The following RNF157 variants were observed in gnomAD, a reference collection of about 807,000 sequenced individuals.
RNF157 encodes the protein ring finger protein 157.
Under a neutral mutation model 88.3 loss-of-function variants are expected in RNF157, and 55 were observed. The observed-to-expected ratio is 0.62, with a 90% CI of 0.50 to 0.78. The LOEUF is 0.78. Among genes scored for constraint, RNF157 ranks in the 30% least tolerant of loss-of-function variants. The pLI is 0.00. For synonymous variants in RNF157, 334 were observed against 341.2 expected (o/e 0.98, Z 0.23); for missense variants, 788 against 860.8 (o/e 0.92, Z 1.06).
Position 76,155,278 on chromosome 17 carries a change from G to A in RNF157, c.1738C>T (p.Leu580Phe), listed in dbSNP as rs2068745258. 1 of 1,614,216 alleles carries A rather than the reference G, an allele frequency of 6.2e-7. No individual in the cohort carries two copies. Among genetic ancestry groups the A allele is most frequent in the Non-Finnish European group, 8.5e-7 (1 of 1,180,014 alleles). The change falls in exon 16 of 19, where the codon CTC becomes TTC. Residue 580 changes from leucine (L) to phenylalanine (F), a missense_variant. Physicochemically the swap from Leu to Phe is conservative, Grantham distance 22. Transcript: ENST00000269391. ...AESPDSNFAG[L>F]PAGEQDAEGN... ...TCTGCATCCTGCTCTCCAGCTGGGA[G>A]GCCAGCAAAGTTGCTGTCTGGAGAC...
At chr17:76,234,195 T>C (rs2070242722) in intron 1 of RNF157, among the ~76,000 whole-genome samples, 1 of 152,242 alleles carries the variant, frequency 6.6e-6, no homozygotes, top group South Asian at 2.1e-4. Flanking sequence ...ATCCAGGTTG[T>C]AGCACATATC....
Position 76,165,384 on chromosome 17 carries a change from T to C in RNF157, c.672+118A>G, listed in dbSNP as rs1043947914. The C allele has an allele frequency of 5.1e-6, 5 of 984,056 alleles. No homozygotes were observed. In the African/African-American group the frequency reaches 6.4e-5, roughly 13 times the overall value. 61.0% of individuals were successfully genotyped at this position (984,056 alleles called of 1,614,324 possible). On this transcript the variant is annotated intron_variant, in intron 7 of 18. Coordinates refer to ENST00000269391, the MANE Select transcript of RNF157 (RefSeq NM_052916.3). ...CTCACTGCAACCTCTTTCACCATTA[T>C]AGCCTCTAAAGCCAGACCCATTCTG...
intron 3 of RNF157, among the ~76,000 whole-genome samples, chr17:76,170,163 C>G (rs1598401058): frequency 6.6e-6 from 1 of 152,104 alleles, no homozygotes; most frequent in Non-Finnish European, 1.5e-5. Context: ...GGCCTGGCTG[C>G]CAGCATTCTA....
chr17:76,230,853 AAAAAAAGAG>A (rs1322972946), intron 1 of RNF157, among the ~76,000 whole-genome samples: 43 of 111,870 alleles, frequency 3.8e-4, no homozygotes, highest in African/African-American at 1.4e-3. Context: ...AAAAAAAAAA[AAAAAAAGAG>A]AGAGAGAGAG....
intron 2 of RNF157, 125 bp from the exon 3 acceptor site, chr17:76,173,915 G>A (rs145929170): frequency 2.3e-5 from 17 of 748,752 alleles, no homozygotes; most frequent in Non-Finnish European, 3.8e-5. Flanking sequence ...TCCTAATTAA[G>A]TGAGGAAACT....
At chr17:76,154,690 C>T (rs2068734445) in intron 16 of RNF157, 1 of 243,398 alleles carries the variant, frequency 4.1e-6, no homozygotes, top group African/African-American at 2.3e-5. Flanking sequence ...CTTAAGATCC[C>T]AAACCCCATC....
chr17:76,203,089 C>T (rs1322971928), intron 2 of RNF157, among the ~76,000 whole-genome samples: 3 of 151,088 alleles, frequency 2.0e-5, no homozygotes, highest in African/African-American at 7.3e-5. Context: ...CTTCTGGGTT[C>T]AAGCGATTCT....
intron 1 of RNF157, among the ~76,000 whole-genome samples, chr17:76,235,250 T>C (rs1019735853): frequency 2.0e-5 from 3 of 151,028 alleles, no homozygotes; most frequent in Non-Finnish European, 4.4e-5. Context: ...CAGGCTGGAG[T>C]GCAGTGGCAC....
chr17:76,172,607 C>CAAAAAAAAAAAAAAAAAA (rs35297368), intron 3 of RNF157, among the ~76,000 whole-genome samples: 14 of 31,716 alleles, frequency 4.4e-4, no homozygotes, highest in African/African-American at 1.7e-3. Context: ...AACTCCATCT[C>CAAAAAAAAAAAAAAAAAA]AAAAAAAAAA....
chr17:76,238,131 T>C (rs1023569232), intron 1 of RNF157, among the ~76,000 whole-genome samples: 8 of 150,934 alleles, frequency 5.3e-5, no homozygotes, highest in African/African-American at 1.5e-4. Flanking sequence ...ATGGTGGTCA[T>C]GGCCAAACTC....
chr17:76,198,815 C>G (rs1420696967), intron 2 of RNF157, among the ~76,000 whole-genome samples: 1 of 152,202 alleles, frequency 6.6e-6, no homozygotes, highest in Admixed American at 6.5e-5. Context: ...GCATACCAGG[C>G]CCCTTGGTCC....
At chr17:76,177,316 G>A (rs1458998790) in intron 2 of RNF157, among the ~76,000 whole-genome samples, 1 of 45,286 alleles carries the variant, frequency 2.2e-5, no homozygotes, top group Admixed American at 2.0e-4. Flanking sequence ...CCACCCCCCC[G>A]CCCCAGCAGG....
At chr17:76,204,267 A>C (rs2069639633) in intron 2 of RNF157, among the ~76,000 whole-genome samples, 1 of 152,010 alleles carries the variant, frequency 6.6e-6, no homozygotes, top group Non-Finnish European at 1.5e-5. Flanking sequence ...GCCTCTCCTC[A>C]TCTCCCCTAC....
chr17:76,224,511 TAAG>T (rs1488137235), intron 1 of RNF157, among the ~76,000 whole-genome samples: 2 of 152,088 alleles, frequency 1.3e-5, no homozygotes, highest in South Asian at 2.1e-4. Context: ...ATCACAAAAA[TAAG>T]AAGAAAACTA....
intron 1 of RNF157, among the ~76,000 whole-genome samples, chr17:76,213,955 A>G (rs1361611701): frequency 6.6e-6 from 1 of 152,174 alleles, no homozygotes; most frequent in African/African-American, 2.4e-5. Context: ...ACCTCGCCCT[A>G]TGTATCTCTC....
In RNF157 at chr17:76,173,758, G is replaced by A. The variant is rs201544317; in HGVS notation, c.240C>T (p.Pro80=). 2.0e-5 allele frequency: 33 copies of A among 1,610,878 alleles called. No individual in the cohort carries two copies. Among genetic ancestry groups the A allele is most frequent in the East Asian group, 1.1e-4 (5 of 44,812 alleles). The stretch of plus-strand genomic sequence containing the variant: ...TGACCAGGCTTCTCAGAGTCTTCAC[G>A]GGTTCTTGGGGAGGTGGGGCGGCGT... ...FPYAAPPPQE[P]VKTLRSLVNI... Residue 80 remains proline, a synonymous_variant, in exon 3 of 19, where the codon CCC becomes CCT. Transcript: ENST00000269391.
At chr17:76,228,597 A>T (rs1323153931) in intron 1 of RNF157, among the ~76,000 whole-genome samples, 1 of 152,088 alleles carries the variant, frequency 6.6e-6, no homozygotes, top group Non-Finnish European at 1.5e-5. Flanking sequence ...AATAACAAAT[A>T]CCAAAAAAGT....
chr17:76,158,386 C>T lies in RNF157; in HGVS notation c.1413+7G>A. 1 of 1,580,850 alleles carries T rather than the reference C, an allele frequency of 6.3e-7. No homozygotes were observed. The highest frequency in any genetic ancestry group is 8.7e-7 in the Non-Finnish European group (1 of 1,150,336). On this transcript the variant is annotated splice_region_variant and intron_variant, in intron 13 of 18. Coordinates refer to ENST00000269391, the MANE Select transcript of RNF157 (RefSeq NM_052916.3). ...ACACCCAAGAAGAGGAGAGGAATGT[C>T]AATTACCTCTCCGAGATGCTGAACC...
chr17:76,162,485 C>T (rs8072857), intron 9 of RNF157, 67 bp downstream of exon 9: 28 of 1,213,212 alleles, frequency 2.3e-5, no homozygotes, highest in African/African-American at 2.0e-4. Context: ...AATTTCTGGA[C>T]GCTGGCTTAC....
Sources: gnomAD v4.1 joint callset for allele counts (sites outside exome capture counted in the v4.1 genomes callset) on GRCh38, gnomAD v4.1.1 for gene constraint, MANE v1.5 for transcripts, NCBI Gene and HGNC (gene_info 2026-07-23, HGNC 2026-07-21) for gene names.